ERBB4: variants seen among roughly 807,000 people sequenced by gnomAD.
The protein encoded by ERBB4 is erb-b2 receptor tyrosine kinase 4.
Under a neutral mutation model 158.0 loss-of-function variants are expected in ERBB4, and 42 were observed. That is an observed-to-expected ratio of 0.27 (90% CI 0.21 to 0.34). The LOEUF (loss-of-function observed/expected upper bound fraction) is 0.34, where lower values mean the gene tolerates loss of function less well. ERBB4 is among the 10% of genes least tolerant of loss of function. The pLI, the probability that ERBB4 is intolerant of heterozygous loss-of-function variation, is 1.00. For missense variants in ERBB4, 1,333 were observed against 1,624.1 expected, an observed-to-expected ratio of 0.82 and a Z score of 3.08; for synonymous variants, 583 against 558.7, an observed-to-expected ratio of 1.04 and a Z score of -0.61.
intron 1 of ERBB4, among the ~76,000 whole-genome samples, chr2:212,403,326 A>G (rs1215762295): frequency 1.3e-5 from 2 of 152,080 alleles, no homozygotes; most frequent in African/African-American, 4.8e-5. Context: ...TGCAGCTACT[A>G]CGAAAAGCAG....
chr2:211,951,780 C>A (rs934163404), intron 2 of ERBB4, among the ~76,000 whole-genome samples: 1 of 152,052 alleles, frequency 6.6e-6, no homozygotes, highest in Non-Finnish European at 1.5e-5. Flanking sequence ...TCTGTTCTTG[C>A]AAAATAGTAT....
intron 2 of ERBB4, among the ~76,000 whole-genome samples, chr2:212,096,218 T>C (rs2078929023): frequency 6.6e-6 from 1 of 152,044 alleles, no homozygotes; most frequent in African/African-American, 2.4e-5. Context: ...TCAGTTACAA[T>C]GGTATAGAGG....
chr2:212,428,350 T>C (rs978600252), intron 1 of ERBB4, among the ~76,000 whole-genome samples: 4 of 152,166 alleles, frequency 2.6e-5, no homozygotes, highest in Non-Finnish European at 5.9e-5. Flanking sequence ...TCCAAGGAAA[T>C]AGCTAGGCCA....
chr2:212,078,970 TAC>T (rs1267987187), intron 2 of ERBB4, among the ~76,000 whole-genome samples: 5 of 151,430 alleles, frequency 3.3e-5, no homozygotes, highest in East Asian at 3.9e-4. Context: ...TCACTTAATG[TAC>T]AGTTACCTAT....
At chr2:212,331,549 A>G (rs576850661) in intron 1 of ERBB4, among the ~76,000 whole-genome samples, 3 of 152,044 alleles carry the variant, frequency 2.0e-5, no homozygotes, top group Non-Finnish European at 4.4e-5. Flanking sequence ...GCATTTTTAA[A>G]GGAAATAACA....
intron 3 of ERBB4, among the ~76,000 whole-genome samples, chr2:211,836,950 T>C (rs1280559402): frequency 1.3e-5 from 2 of 152,022 alleles, no homozygotes; most frequent in East Asian, 3.9e-4. Flanking sequence ...GAGAAAAGTT[T>C]TTTAAAATAT....
At chr2:211,858,870 A>G (rs1361583014) in intron 3 of ERBB4, among the ~76,000 whole-genome samples, 1 of 151,834 alleles carries the variant, frequency 6.6e-6, no homozygotes, top group Non-Finnish European at 1.5e-5. Flanking sequence ...GCAACTTCCA[A>G]CTCCCCGTTC....
At chr2:212,362,310 G>C (rs552166682) in intron 1 of ERBB4, among the ~76,000 whole-genome samples, 1 of 151,486 alleles carries the variant, frequency 6.6e-6, no homozygotes, top group South Asian at 2.1e-4. Flanking sequence ...GGCCAAATTA[G>C]CGGCTAATTT....
chr2:212,029,749 C>G (rs2125345731), intron 2 of ERBB4, among the ~76,000 whole-genome samples: 1 of 152,216 alleles, frequency 6.6e-6, no homozygotes, highest in Non-Finnish European at 1.5e-5. Flanking sequence ...TCATACTTCT[C>G]AGGTTTCATT....
rs115274952 is a variant in ERBB4 at position 211,497,397 on chromosome 2, A to G, written c.2487+64506T>C. On this transcript the variant is annotated intron_variant, in intron 20 of 27. Coordinates refer to ENST00000342788, the MANE Select transcript of ERBB4 (RefSeq NM_005235.3). ...CTTTCAAAAGTACAGAATAAACACT[A>G]TAGTCCCAGTGCCTCTGACAGTTTC... Among the ~76,000 whole-genome samples, 357 of 152,238 alleles carry G rather than the reference A, an allele frequency of 2.3e-3. 1 individual carries two copies. The highest frequency in any genetic ancestry group is 8.2e-3 in the African/African-American group (340 of 41,564).
At chr2:212,293,866 A>AC (rs1379317414) in intron 1 of ERBB4, among the ~76,000 whole-genome samples, 4 of 150,038 alleles carry the variant, frequency 2.7e-5, no homozygotes, top group African/African-American at 7.3e-5. Context: ...AAACAAAAAA[A>AC]AAAAAAACAT....
intron 1 of ERBB4, among the ~76,000 whole-genome samples, chr2:212,397,054 T>C (rs1008567580): frequency 6.6e-6 from 1 of 152,220 alleles, no homozygotes; most frequent in Admixed American, 6.5e-5. Flanking sequence ...TCCCATATTT[T>C]AGATATTTTA....
chr2:212,219,746 C>G (rs1464451438), intron 1 of ERBB4, among the ~76,000 whole-genome samples: 1 of 151,136 alleles, frequency 6.6e-6, no homozygotes. Context: ...ACTCCTATAC[C>G]TTATAAACAG....
At chr2:212,140,218 C>A (rs554931158) in intron 1 of ERBB4, among the ~76,000 whole-genome samples, 32 of 151,006 alleles carry the variant, frequency 2.1e-4, no homozygotes, top group African/African-American at 7.7e-4. Context: ...ACAGTCAATT[C>A]TTTGCAAAGA....
intron 1 of ERBB4, among the ~76,000 whole-genome samples, chr2:212,522,842 C>T (rs1692249626): frequency 6.6e-6 from 1 of 151,922 alleles, no homozygotes; most frequent in African/African-American, 2.4e-5. Flanking sequence ...ATACCATCTA[C>T]CACGCAGGTT....
intron 2 of ERBB4, among the ~76,000 whole-genome samples, chr2:212,092,490 T>C (rs2125496134): frequency 6.6e-6 from 1 of 152,326 alleles, no homozygotes; most frequent in South Asian, 2.1e-4. Context: ...CCAATTTTTC[T>C]GACTTTTGTA....
At chr2:211,577,398 A>T (rs1290403471) in intron 19 of ERBB4, among the ~76,000 whole-genome samples, 1 of 152,026 alleles carries the variant, frequency 6.6e-6, no homozygotes, top group Non-Finnish European at 1.5e-5. Context: ...AATAACAGAT[A>T]ATCAAGTACC....
intron 1 of ERBB4, among the ~76,000 whole-genome samples, chr2:212,476,457 T>G (rs989481587): frequency 6.6e-6 from 1 of 152,152 alleles, no homozygotes; most frequent in Non-Finnish European, 1.5e-5. Context: ...GTCAAAATAT[T>G]ATTCTCTCTA....
chr2:211,992,661 T>C (rs1282833025), intron 2 of ERBB4, among the ~76,000 whole-genome samples: 1 of 151,850 alleles, frequency 6.6e-6, no homozygotes, highest in Non-Finnish European at 1.5e-5. Context: ...TGCTCAAGCA[T>C]TCCTATGGAC....
Sources: allele counts gnomAD v4.1 joint callset (sites outside exome capture counted in the v4.1 genomes callset), GRCh38; gene constraint gnomAD v4.1.1; transcripts MANE v1.5; gene names NCBI Gene and HGNC (gene_info 2026-07-23, HGNC 2026-07-21).